The following LINGO2 variants were observed in gnomAD, a reference collection of about 807,000 sequenced individuals.
LINGO2 encodes leucine-rich repeat and immunoglobulin-like domain-containing nogo receptor-interacting protein 2.
In LINGO2, 14 loss-of-function variants were observed where a neutral mutation model predicts 30.6. The observed-to-expected ratio is 0.46, with a 90% CI of 0.30 to 0.72. The LOEUF (loss-of-function observed/expected upper bound fraction) is 0.72. Ranked by LOEUF, LINGO2 falls within the 30% of genes least tolerant of loss-of-function variation. The pLI is 0.07. For missense variants in LINGO2, 729 were observed against 751.7 expected (o/e 0.97, Z 0.35); for synonymous variants, 317 against 288.5 (o/e 1.10, Z -1.00).
the LINGO2 span, among the ~76,000 whole-genome samples, chr9:28,812,357 A>T: frequency 2.0e-5 from 3 of 152,166 alleles, no homozygotes; most frequent in East Asian, 1.9e-4. Flanking sequence ...TAAATTTTTT[A>T]AAAATGAAAT....
chr9:29,124,209 T>C, the LINGO2 span, among the ~76,000 whole-genome samples: 4 of 152,204 alleles, frequency 2.6e-5, no homozygotes, highest in African/African-American at 9.6e-5. Flanking sequence ...ACTAGCCATA[T>C]GCAGAAAACT....
the LINGO2 span, among the ~76,000 whole-genome samples, chr9:29,120,527 C>T: frequency 2.0e-5 from 3 of 152,174 alleles, no homozygotes; most frequent in East Asian, 1.9e-4. Context: ...ACAAATACTA[C>T]TAACTGTGGT....
chr9:27,991,250 AT>A (rs1315203065), intron 5 of LINGO2, among the ~76,000 whole-genome samples: 1 of 151,920 alleles, frequency 6.6e-6, no homozygotes, highest in African/African-American at 2.4e-5. Context: ...ACAACAAAGG[AT>A]TTTTTTCCAT....
chr9:28,188,628 T>TAA (rs1819629820), intron 4 of LINGO2, among the ~76,000 whole-genome samples: 3 of 151,968 alleles, frequency 2.0e-5, no homozygotes, highest in African/African-American at 7.3e-5. Flanking sequence ...AAGAGGCAGT[T>TAA]AAAAAAAAGT....
At chr9:28,175,723 T>C (rs1828732042) in intron 4 of LINGO2, among the ~76,000 whole-genome samples, 1 of 152,196 alleles carries the variant, frequency 6.6e-6, no homozygotes, top group South Asian at 2.1e-4. Context: ...GGGAAAATAC[T>C]GAGTTAGTGT....
the LINGO2 span, among the ~76,000 whole-genome samples, chr9:28,870,318 T>G: frequency 6.6e-6 from 1 of 152,088 alleles, no homozygotes; most frequent in African/African-American, 2.4e-5. Context: ...CCAGTCCACC[T>G]GTACTTCCCA....
At chr9:28,638,632 G>A (rs7033275) in intron 1 of LINGO2, among the ~76,000 whole-genome samples, 22,593 of 151,990 alleles carry the variant, frequency 0.15, 2,418 homozygotes, top group African/African-American at 0.3. Context: ...ATTCTCTGAT[G>A]GTAGTTTGTA....
the LINGO2 span, among the ~76,000 whole-genome samples, chr9:28,709,105 T>C: frequency 6.6e-6 from 1 of 152,110 alleles, no homozygotes; most frequent in Non-Finnish European, 1.5e-5. Context: ...AAAAATACCT[T>C]GTTCCTGTTC....
the LINGO2 span, among the ~76,000 whole-genome samples, chr9:29,072,618 T>C: frequency 6.7e-6 from 1 of 149,210 alleles, no homozygotes; most frequent in African/African-American, 2.4e-5. Context: ...CTTTGATATA[T>C]ATATATATAT....
the LINGO2 span, among the ~76,000 whole-genome samples, chr9:28,687,442 T>C: frequency 3.3e-5 from 5 of 152,108 alleles, no homozygotes; most frequent in Non-Finnish European, 5.9e-5. Context: ...ATTCTTAAAA[T>C]GTCAAAGGCA....
the LINGO2 span, among the ~76,000 whole-genome samples, chr9:28,861,751 T>C: frequency 6.6e-6 from 1 of 151,868 alleles, no homozygotes; most frequent in Non-Finnish European, 1.5e-5. Context: ...GCAACATATG[T>C]TTTTTGTCTC....
chr9:28,481,632 T>C (rs527695496), intron 1 of LINGO2, among the ~76,000 whole-genome samples: 1 of 152,114 alleles, frequency 6.6e-6, no homozygotes, highest in African/African-American at 2.4e-5. Context: ...ATTTATTTTT[T>C]ATTATTATAC....
intron 4 of LINGO2, among the ~76,000 whole-genome samples, chr9:28,236,178 G>A (rs1049656785): frequency 6.6e-6 from 1 of 152,020 alleles, no homozygotes; most frequent in Non-Finnish European, 1.5e-5. Flanking sequence ...AGAGTGAAAT[G>A]ACATATTTTT....
the LINGO2 span, chr9:28,863,510 A>G: frequency 2.4e-6 from 1 of 421,584 alleles, no homozygotes; most frequent in Non-Finnish European, 5.0e-6. Context: ...ATTCTAGAGT[A>G]TATTTACCAG....
At chr9:29,009,639 T>C in the LINGO2 span, among the ~76,000 whole-genome samples, 13 of 152,092 alleles carry the variant, frequency 8.5e-5, no homozygotes, top group Admixed American at 3.3e-4. Context: ...CCATCCCCAT[T>C]AAGCTACCAA....
intron 5 of LINGO2, among the ~76,000 whole-genome samples, chr9:27,971,398 T>C (rs963468638): frequency 3.9e-5 from 6 of 152,196 alleles, no homozygotes; most frequent in African/African-American, 1.4e-4. Context: ...TTTATTATTT[T>C]TTAGATTGAG....
chr9:28,927,395 G>A, the LINGO2 span, among the ~76,000 whole-genome samples: 1 of 152,120 alleles, frequency 6.6e-6, no homozygotes, highest in Admixed American at 6.6e-5. Flanking sequence ...AACAGACTGA[G>A]AAAACAGGGT....
the LINGO2 span, among the ~76,000 whole-genome samples, chr9:28,864,666 G>A: frequency 6.6e-6 from 1 of 152,090 alleles, no homozygotes; most frequent in Admixed American, 6.5e-5. Flanking sequence ...AAGAGTCCTA[G>A]GCAGTTCACC....
intron 3 of LINGO2, among the ~76,000 whole-genome samples, chr9:28,349,763 C>T (rs1819770107): frequency 6.6e-6 from 1 of 150,742 alleles, no homozygotes; most frequent in African/African-American, 2.4e-5. Context: ...GGTCGGGTTA[C>T]CCTCAAAGGG....
Sources: gnomAD v4.1 joint callset for allele counts (sites outside exome capture counted in the v4.1 genomes callset) on GRCh38, gnomAD v4.1.1 for gene constraint, MANE v1.5 for transcripts, NCBI Gene and HGNC (gene_info 2026-07-23, HGNC 2026-07-21) for gene names.